SERPINE3: variants seen among roughly 807,000 people sequenced by gnomAD.
SERPINE3 encodes the protein serpin family E member 3, also known as serpin E3.
SERPINE3 carries 43 observed loss-of-function variants against 41.7 expected under a neutral mutation model. That is an observed-to-expected ratio of 1.03 (90% CI 0.81 to 1.33). The LOEUF (loss-of-function observed/expected upper bound fraction) is 1.33. SERPINE3 is among the 40% of genes most tolerant of loss of function. The pLI is 0.00. For missense variants in SERPINE3, 440 were observed against 491.7 expected, an observed-to-expected ratio of 0.89 and a Z score of 0.99; for synonymous variants, 200 against 192.2, an observed-to-expected ratio of 1.04 and a Z score of -0.34.
chr13:51,340,653 T>C lies in SERPINE3; in HGVS notation c.-95-131T>C, dbSNP rs1955280271. On this transcript the variant is annotated intron_variant, in intron 1 of 9. Coordinates refer to ENST00000681248, the MANE Select transcript of SERPINE3 (RefSeq NM_001386375.1). ...ATGTACAAAGTCCTTTTTAACATAG[T>C]AGATAATTATTTATTATTATTCCTG... 2.9e-5 allele frequency: 5 copies of C among 170,554 alleles called. No homozygotes were observed. In the South Asian group the frequency reaches 7.2e-4, roughly 25 times the overall value. 10.6% of individuals were successfully genotyped at this position (170,554 alleles called of 1,614,324 possible).
Position 51,348,257 on chromosome 13 carries a change from C to G in SERPINE3, c.745C>G (p.Leu249Val). ...TAGHQVGVLE[L>V]PYLGSAVSLF... is the part of the protein sequence containing the mutation. Reference sequence around the variant, plus strand: ...AGGCCATCAGGTGGGGGTGCTGGAGCTTCCTTACCTGGGAAGTGCAGTGAG... The same window carrying G: ...AGGCCATCAGGTGGGGGTGCTGGAGGTTCCTTACCTGGGAAGTGCAGTGAG... The change falls in exon 6 of 10, where the codon CTT becomes GTT. Residue 249 changes from leucine (L) to valine (V), a missense_variant. Transcript: ENST00000681248. 1 of 1,606,728 alleles carries G rather than the reference C, an allele frequency of 6.2e-7. No individual in the cohort carries two copies. Among genetic ancestry groups the G allele is most frequent in the Non-Finnish European group, 8.5e-7 (1 of 1,176,644 alleles).
At chr13:51,342,627 C>T in intron 3 of SERPINE3, among the ~76,000 whole-genome samples, 1 of 152,118 alleles carries the variant, frequency 6.6e-6, no homozygotes, top group African/African-American at 2.4e-5. Flanking sequence ...ACTTACTCTA[C>T]TATTTTAATG....
intron 3 of SERPINE3, 131 bp downstream of exon 3, chr13:51,341,478 C>A: frequency 1.1e-6 from 1 of 901,420 alleles, no homozygotes; most frequent in Non-Finnish European, 1.7e-6. Context: ...CACACTCACT[C>A]TCTCCAGCTC....
intron 9 of SERPINE3, 45 bp from the exon 10 acceptor site, chr13:51,364,194 A>G (rs1955639591): frequency 1.1e-6 from 1 of 923,812 alleles, no homozygotes; most frequent in Non-Finnish European, 1.6e-6. Flanking sequence ...AAAGAACTGC[A>G]TATGAAAATA....
chr13:51,345,298 T>C (rs775283343), intron 4 of SERPINE3, among the ~76,000 whole-genome samples: 16 of 152,126 alleles, frequency 1.1e-4, no homozygotes, highest in South Asian at 2.1e-4. Flanking sequence ...AAAAGTTTCA[T>C]AGCAATGTGG....
At chr13:51,350,287 T>TA (rs1210344481) in intron 6 of SERPINE3, among the ~76,000 whole-genome samples, 1 of 151,948 alleles carries the variant, frequency 6.6e-6, no homozygotes, top group South Asian at 2.1e-4. Context: ...TATAAATAAA[T>TA]AAAAAAAGTG....
chr13:51,355,127 C>T lies in SERPINE3; in HGVS notation c.984C>T (p.Asn328=). The part of the protein sequence containing the change: ...VTDLFDPLKA[N]LKGISGQDGF... Reference sequence around the variant, plus strand: ...ATCTTTTTGATCCACTCAAAGCTAACTTGAAAGGAATTTCAGGTAAAAACG... The same window carrying T: ...ATCTTTTTGATCCACTCAAAGCTAATTTGAAAGGAATTTCAGGTAAAAACG... The change falls in exon 7 of 10, where the codon AAC becomes AAT. Residue 328 remains asparagine, a synonymous_variant. Coordinates refer to ENST00000681248, the MANE Select transcript of SERPINE3 (RefSeq NM_001386375.1). 2 of 1,529,642 alleles carry T rather than the reference C, an allele frequency of 1.3e-6. No individual in the cohort carries two copies. The highest frequency in any genetic ancestry group is 1.7e-4 in the Middle Eastern group (1 of 5,944). 94.8% of individuals were successfully genotyped at this position (1,529,642 alleles called of 1,614,324 possible). A position where few individuals can be genotyped will look rare whatever the true frequency, so the allele number is the denominator to read the frequency against.
At chr13:51,357,871 G>C (rs1227544122) in intron 7 of SERPINE3, among the ~76,000 whole-genome samples, 2 of 152,096 alleles carry the variant, frequency 1.3e-5, no homozygotes, top group African/African-American at 4.8e-5. Flanking sequence ...AAACTGTCTT[G>C]TTCTTGGCTT....
At chr13:51,343,753 G>A (rs1955317366) in intron 3 of SERPINE3, among the ~76,000 whole-genome samples, 1 of 152,186 alleles carries the variant, frequency 6.6e-6, no homozygotes, top group Non-Finnish European at 1.5e-5. Flanking sequence ...ACACGCAGTT[G>A]TGGGAATGGA....
At chr13:51,362,064 G>C (rs17837214) in intron 9 of SERPINE3, 171 bp downstream of exon 9, 8 of 1,569,224 alleles carry the variant, frequency 5.1e-6, no homozygotes, top group Non-Finnish European at 5.1e-6. Flanking sequence ...GGACTATTTC[G>C]TAAGTACAAA....
At chr13:51,363,999 C>T (rs1955635720) in intron 9 of SERPINE3, 1 of 297,552 alleles carries the variant, frequency 3.4e-6, no homozygotes, top group South Asian at 1.5e-4. Flanking sequence ...TGAATGACTT[C>T]TAATTCCTCC....
At chr13:51,361,687 G>A in intron 8 of SERPINE3, 123 bp from the exon 9 acceptor site, 3 of 863,352 alleles carry the variant, frequency 3.5e-6, no homozygotes, top group Non-Finnish European at 5.2e-6. Flanking sequence ...CATCACAACA[G>A]TAAACAATCA....
chr13:51,342,178 CAAAAAAAA>C (rs869298134), intron 3 of SERPINE3, among the ~76,000 whole-genome samples: 1 of 63,582 alleles, frequency 1.6e-5, no homozygotes, highest in Non-Finnish European at 3.3e-5. Flanking sequence ...AAAGACAGAA[CAAAAAAAA>C]AAAAAAAAAA....
chr13:51,347,775 C>G (rs1955362086), intron 5 of SERPINE3, among the ~76,000 whole-genome samples: 1 of 152,154 alleles, frequency 6.6e-6, no homozygotes, highest in South Asian at 2.1e-4. Flanking sequence ...GTCCAGCATC[C>G]CCAGGCTGTC....
At position 51,341,322 on chromosome 13, in the gene SERPINE3, A is replaced by C; in HGVS notation, c.231A>C (p.Ala77=). ...GAEGSTGQQL[A]DALGYTVHDK... is the part of the protein sequence containing the mutation. ...AAGGGAGCACTGGTCAGCAGCTGGC[A>C]GATGCCCTGGGGTACACTGTCCATG... Residue 77 remains alanine, a synonymous_variant, in exon 3 of 10, where the codon GCA becomes GCC. Transcript: ENST00000681248. The C allele has an allele frequency of 6.2e-7, 1 of 1,607,318 alleles. No homozygotes were observed. Among genetic ancestry groups the C allele is most frequent in the Non-Finnish European group, 8.5e-7 (1 of 1,176,286 alleles).
intron 4 of SERPINE3, among the ~76,000 whole-genome samples, chr13:51,346,636 C>A (rs1477923034): frequency 6.6e-6 from 1 of 152,226 alleles, no homozygotes; most frequent in Non-Finnish European, 1.5e-5. Flanking sequence ...CTTTCCATTT[C>A]CCTCTCCACA....
In SERPINE3 at chr13:51,361,820, A is replaced by G; in HGVS notation, c.1098A>G (p.Leu366=). The change falls in exon 9 of 10, where the codon TTA becomes TTG. Residue 366 remains leucine, a synonymous_variant. Transcript: ENST00000681248. ...CTTTCTTTCCTGCAGCTCTGTTGTT[A>G]TTGAAAAGGTCTCGGATTCCTATTT... The part of the protein sequence containing the change: ...TKASGATALL[L]LKRSRIPIFK... 6.2e-7 allele frequency: 1 copy of G among 1,605,094 alleles called. No individual in the cohort carries two copies. The highest frequency in any genetic ancestry group is 8.5e-7 in the Non-Finnish European group (1 of 1,176,994).
intron 4 of SERPINE3, among the ~76,000 whole-genome samples, chr13:51,345,483 A>C (rs1181239061): frequency 1.3e-5 from 2 of 151,194 alleles, no homozygotes; most frequent in Non-Finnish European, 2.9e-5. Context: ...AATCCCAGCT[A>C]CTCGGGGAGG....
At chr13:51,361,457 TA>T in intron 8 of SERPINE3, 93 bp downstream of exon 8, 1 of 831,734 alleles carries the variant, frequency 1.2e-6, no homozygotes, top group South Asian at 1.6e-5. Flanking sequence ...AATCTTTCCA[TA>T]ACCCCCAAGT....
Sources: allele counts gnomAD v4.1 joint callset (sites outside exome capture counted in the v4.1 genomes callset), GRCh38; gene constraint gnomAD v4.1.1; transcripts MANE v1.5; gene names NCBI Gene and HGNC (gene_info 2026-07-23, HGNC 2026-07-21).